MCCC2: variants seen among roughly 807,000 people sequenced by gnomAD.
The protein encoded by MCCC2 is methylcrotonoyl-CoA carboxylase beta chain, mitochondrial.
MCCC2 carries 52 observed loss-of-function variants against 77.2 expected under a neutral mutation model. That is an observed-to-expected ratio of 0.67 (90% CI 0.54 to 0.85). MCCC2 has a LOEUF of 0.85. Among genes scored for constraint, MCCC2 ranks in the 40% least tolerant of loss-of-function variants. The pLI is 0.00. For missense variants in MCCC2, 682 were observed against 703.2 expected (o/e 0.97, Z 0.34); for synonymous variants, 253 against 248.4 (o/e 1.02, Z -0.18).
At chr5:71,593,645 C>A (rs539825602) in intron 2 of MCCC2, among the ~76,000 whole-genome samples, 1 of 152,060 alleles carries the variant, frequency 6.6e-6, no homozygotes, top group East Asian at 1.9e-4. Context: ...ATCTTGGCCT[C>A]CCAAAGTGCT....
At chr5:71,641,618 A>T (rs1331601182) in intron 11 of MCCC2, among the ~76,000 whole-genome samples, 3 of 152,236 alleles carry the variant, frequency 2.0e-5, no homozygotes, top group Non-Finnish European at 4.4e-5. Flanking sequence ...ATAAAAGTTA[A>T]TTTTTTAAAT....
At chr5:71,590,007 C>T (rs752586693) in intron 1 of MCCC2, among the ~76,000 whole-genome samples, 8 of 152,112 alleles carry the variant, frequency 5.3e-5, no homozygotes, top group Non-Finnish European at 1.2e-4. Flanking sequence ...TTGTCAGTGG[C>T]TCAGCTCCAA....
chr5:71,592,810 C>A (rs1165449537), intron 1 of MCCC2, 116 bp from the exon 2 acceptor site: 9 of 821,450 alleles, frequency 1.1e-5, no homozygotes, highest in Non-Finnish European at 1.8e-5. Flanking sequence ...CCCAGTGTGG[C>A]GGCCACACAG....
intron 3 of MCCC2, among the ~76,000 whole-genome samples, chr5:71,597,855 T>C (rs186191186): frequency 6.2e-4 from 95 of 152,314 alleles, no homozygotes; most frequent in Non-Finnish European, 1.1e-3. Context: ...CTAATGTATC[T>C]TGACCATGTA....
At chr5:71,589,411 T>A (rs1744887042) in intron 1 of MCCC2, among the ~76,000 whole-genome samples, 1 of 152,284 alleles carries the variant, frequency 6.6e-6, no homozygotes. Flanking sequence ...CTGCTGTGAC[T>A]GTTCCACTGC....
intron 10 of MCCC2, among the ~76,000 whole-genome samples, chr5:71,640,025 AAT>A: frequency 6.6e-6 from 1 of 152,230 alleles, no homozygotes; most frequent in African/African-American, 2.4e-5. Context: ...TATCATCTAA[AAT>A]AGTTTCTGAA....
intron 6 of MCCC2, among the ~76,000 whole-genome samples, chr5:71,624,370 C>CTTTCTT (rs1370840746): frequency 1.3e-5 from 2 of 152,072 alleles, no homozygotes; most frequent in African/African-American, 4.8e-5. Flanking sequence ...TTCTTTCTTC[C>CTTTCTT]TTTCTTTTTC....
chr5:71,612,784 G>A (rs1451076192), intron 6 of MCCC2, among the ~76,000 whole-genome samples: 2 of 152,228 alleles, frequency 1.3e-5, no homozygotes, highest in Non-Finnish European at 2.9e-5. Context: ...GTCTTGGTAT[G>A]TTGCTCCAGC....
intron 7 of MCCC2, among the ~76,000 whole-genome samples, chr5:71,629,458 G>T (rs757629319): frequency 4.6e-5 from 7 of 152,130 alleles, no homozygotes; most frequent in African/African-American, 1.4e-4. Flanking sequence ...CCACTGAATT[G>T]TATGCTTTAA....
In MCCC2 at chr5:71,656,863, G is replaced by C; in HGVS notation, c.*3G>C. The C allele has an allele frequency of 6.2e-7, 1 of 1,604,040 alleles. No homozygotes were observed. The highest frequency in any genetic ancestry group is 8.5e-7 in the Non-Finnish European group (1 of 1,170,894). On this transcript the variant is annotated 3_prime_UTR_variant, in exon 17 of 17. Coordinates refer to ENST00000340941, the MANE Select transcript of MCCC2 (RefSeq NM_022132.5). ...ACTTCGGTATCTTCAGGATGTAACT[G>C]GAATAAAGGATGTTTTCTGTTGGAC...
At chr5:71,636,885 A>G (rs1561843154) in intron 10 of MCCC2, among the ~76,000 whole-genome samples, 1 of 151,652 alleles carries the variant, frequency 6.6e-6, no homozygotes, top group Non-Finnish European at 1.5e-5. Flanking sequence ...CTGGGATTAC[A>G]GGCACCCGCC....
At chr5:71,596,123 C>T in intron 2 of MCCC2, 157 bp from the exon 3 acceptor site, 1 of 681,720 alleles carries the variant, frequency 1.5e-6, no homozygotes, top group Non-Finnish European at 2.5e-6. Context: ...AGAAAATTGG[C>T]AACTTGTAAG....
Position 71,641,017 on chromosome 5 carries a change from C to T in MCCC2, c.1014C>T (p.Ile338=), listed in dbSNP as rs760703487. 58 of 1,613,812 alleles carry T rather than the reference C, an allele frequency of 3.6e-5. 1 individual carries two copies. In the South Asian group the frequency reaches 4.9e-4, roughly 14 times the overall value. ...SFDVREVIAR[I]VDGSRFTEFK... is the part of the protein sequence containing the mutation. ...TTTCCTCTTAGGTCATTGCTAGAAT[C>T]GTGGATGGAAGCAGATTCACTGAGT... Residue 338 remains isoleucine, a synonymous_variant, in exon 11 of 17, where the codon ATC becomes ATT. Coordinates refer to ENST00000340941, the MANE Select transcript of MCCC2 (RefSeq NM_022132.5).
At chr5:71,636,236 G>A (rs144366976) in intron 10 of MCCC2, 127 of 228,504 alleles carry the variant, frequency 5.6e-4, no homozygotes, top group African/African-American at 2.6e-3. Context: ...GATTTATTTA[G>A]GCAATACCCC....
Position 71,601,340 on chromosome 5 carries a change from C to T in MCCC2, c.384-1166C>T, listed in dbSNP as rs562640490. ...TACCAGAGCTTCTTAAACTTTCTAG[C>T]GTAGCACCCCCAGTGGTAGGAAGTA... On this transcript the variant is annotated intron_variant, in intron 4 of 16. Transcript: ENST00000340941. Among the ~76,000 whole-genome samples, 7 of 152,240 alleles carry T rather than the reference C, an allele frequency of 4.6e-5. No individual in the cohort carries two copies. The East Asian group carries it at 7.7e-4, about 17-fold the overall frequency.
chr5:71,590,101 G>T (rs1338976970), intron 1 of MCCC2, among the ~76,000 whole-genome samples: 1 of 139,320 alleles, frequency 7.2e-6, no homozygotes, highest in Admixed American at 8.1e-5. Flanking sequence ...TGTTTCGCAG[G>T]TGATTAAAAC....
At chr5:71,635,513 T>C (rs1257412339) in intron 10 of MCCC2, 1 of 494,302 alleles carries the variant, frequency 2.0e-6, no homozygotes, top group East Asian at 4.2e-5. Flanking sequence ...TAAGTAAGAC[T>C]CCATGTCCTG....
intron 12 of MCCC2, among the ~76,000 whole-genome samples, chr5:71,644,463 A>T (rs1747223316): frequency 6.6e-6 from 1 of 151,814 alleles, no homozygotes. Context: ...CTTTTTATTT[A>T]TTATTATTAT....
intron 5 of MCCC2, among the ~76,000 whole-genome samples, chr5:71,604,043 G>C (rs1370025057): frequency 6.6e-6 from 1 of 152,200 alleles, no homozygotes; most frequent in Admixed American, 6.5e-5. Flanking sequence ...AAGAAGGAAA[G>C]ATACTTTTCC....
Sources: allele counts gnomAD v4.1 joint callset (sites outside exome capture counted in the v4.1 genomes callset), GRCh38; gene constraint gnomAD v4.1.1; transcripts MANE v1.5; gene names NCBI Gene and HGNC (gene_info 2026-07-23, HGNC 2026-07-21).